CPNE1: variants seen among roughly 807,000 people sequenced by gnomAD.
CPNE1 encodes copine-1.
In CPNE1, 58 loss-of-function variants were observed where a neutral mutation model predicts 63.2. The ratio of observed to expected loss-of-function variants is 0.92; its 90% CI spans 0.74 to 1.14. CPNE1 has a LOEUF of 1.14. Ranked by LOEUF, CPNE1 falls within the 50% of genes most tolerant of loss-of-function variation. The pLI, the probability that CPNE1 is intolerant of heterozygous loss-of-function variation, is 0.00. For synonymous variants in CPNE1, 237 were observed against 249.0 expected, an observed-to-expected ratio of 0.95 and a Z score of 0.45; for missense variants, 672 against 661.7, an observed-to-expected ratio of 1.02 and a Z score of -0.17.
At chr20:35,651,206 T>C (rs1278667648) in intron 1 of CPNE1, 1 of 152,216 alleles carries the variant, frequency 6.6e-6, no homozygotes, top group South Asian at 2.1e-4. Flanking sequence ...GAGCACTGAC[T>C]AGGGAAATCA....
chr20:35,650,770 C>G (rs966383802), intron 1 of CPNE1: 2 of 152,574 alleles, frequency 1.3e-5, no homozygotes, highest in Admixed American at 6.5e-5. Context: ...ACTGTTGCCA[C>G]TCTTAAATTA....
chr20:35,631,571 C>A lies in CPNE1; in HGVS notation c.635G>T (p.Cys212Phe). 1 of 1,613,958 alleles carries A rather than the reference C, an allele frequency of 6.2e-7. No homozygotes were observed. Among genetic ancestry groups the A allele is most frequent in the Non-Finnish European group, 8.5e-7 (1 of 1,179,898 alleles). Residue 212 changes from cysteine to phenylalanine, a missense_variant, in exon 8 of 16, where the codon TGC becomes TTC. By Grantham distance (205) the Cys-to-Phe change is radical (BLOSUM62 -2). Transcript: ENST00000397443. The stretch of plus-strand genomic sequence containing the variant: ...TGACCCGTCACTGTCATAATCGGAG[C>A]ATTGCACCTGAGGGAAAGGTGTGTG... Reference protein sequence around the residue: ...GNPSTPIQVQCSDYDSDGSHD... With the variant: ...GNPSTPIQVQFSDYDSDGSHD...
intron 1 of CPNE1, among the ~76,000 whole-genome samples, chr20:35,656,989 AC>A (rs1178458144): frequency 2.0e-5 from 3 of 152,238 alleles, no homozygotes; most frequent in Admixed American, 6.5e-5. Context: ...TACTAATGCA[AC>A]AAAATCTGTA....
At chr20:35,643,714 AGAGT>A (rs1466333295) in intron 1 of CPNE1, among the ~76,000 whole-genome samples, 2 of 152,178 alleles carry the variant, frequency 1.3e-5, no homozygotes, top group Non-Finnish European at 2.9e-5. Context: ...CCTAAGCAAC[AGAGT>A]GAGACTCTGT....
At chr20:35,654,341 G>T (rs781488433) in intron 1 of CPNE1, 2 of 1,613,994 alleles carry the variant, frequency 1.2e-6, no homozygotes, top group Admixed American at 3.3e-5. Flanking sequence ...GCATCAACAC[G>T]GAGCCCATGA....
chr20:35,632,939 C>A lies in CPNE1; in HGVS notation c.1-16G>T, dbSNP rs1444000274. 2.3e-6 allele frequency: 2 copies of A among 866,626 alleles called. No individual in the cohort carries two copies. Among genetic ancestry groups the A allele is most frequent in the South Asian group, 2.7e-5 (2 of 75,336 alleles). 53.7% of individuals were successfully genotyped at this position (866,626 alleles called of 1,614,324 possible). On this transcript the variant is annotated splice_polypyrimidine_tract_variant and intron_variant, in intron 1 of 15. Coordinates refer to ENST00000397443, the MANE Select transcript of CPNE1 (RefSeq NM_152925.3). ...AGTGGGCCATCTGAGGGAAAAGGAG[C>A]TGGGTCAAGCACCAGGGAGCCTTCT...
intron 10 of CPNE1, 32 bp from the exon 11 acceptor site, chr20:35,631,066 C>T (rs1381027700): frequency 6.2e-7 from 1 of 1,614,148 alleles, no homozygotes; most frequent in Non-Finnish European, 8.5e-7. Context: ...AGCTAAAGGC[C>T]ACCCTGAGCC....
chr20:35,646,950 T>C (rs1369298788), intron 1 of CPNE1, among the ~76,000 whole-genome samples: 3 of 152,142 alleles, frequency 2.0e-5, no homozygotes, highest in African/African-American at 7.2e-5. Flanking sequence ...TGCTCAGCTG[T>C]GCCATTTACC....
chr20:35,630,361 C>T, intron 13 of CPNE1, 78 bp downstream of exon 13: 1 of 1,102,050 alleles, frequency 9.1e-7, no homozygotes, highest in Non-Finnish European at 1.4e-6. Flanking sequence ...GTATCTGCCC[C>T]CACTCTCCCT....
chr20:35,652,906 C>T, intron 1 of CPNE1: 5 of 1,613,722 alleles, frequency 3.1e-6, no homozygotes, highest in Non-Finnish European at 3.4e-6. Flanking sequence ...AGGGCCACTT[C>T]CAAACCCCGG....
intron 15 of CPNE1, 58 bp downstream of exon 15, chr20:35,626,509 A>G: frequency 6.3e-7 from 1 of 1,590,080 alleles, no homozygotes; most frequent in East Asian, 2.2e-5. Flanking sequence ...CCTCAACCCT[A>G]CTCACATCAG....
At chr20:35,655,137 AC>A in intron 1 of CPNE1, 1 of 1,614,160 alleles carries the variant, frequency 6.2e-7, no homozygotes, top group Non-Finnish European at 8.5e-7. Context: ...CTTTAATTGT[AC>A]CACCTGTGCG....
At chr20:35,663,901 T>A (rs1168302638) in intron 1 of CPNE1, among the ~76,000 whole-genome samples, 1 of 152,040 alleles carries the variant, frequency 6.6e-6, no homozygotes, top group Admixed American at 6.6e-5. Flanking sequence ...TAACTCTCCA[T>A]CAAAAGCACC....
At chr20:35,653,014 G>A (rs750368665) in intron 1 of CPNE1, 7 of 1,613,680 alleles carry the variant, frequency 4.3e-6, no homozygotes, top group East Asian at 2.2e-5. Flanking sequence ...TCCAAAACCC[G>A]GAACATCCAG....
chr20:35,651,183 T>C (rs2033487751), intron 1 of CPNE1: 1 of 152,212 alleles, frequency 6.6e-6, no homozygotes, highest in East Asian at 1.9e-4. Context: ...TAATATAATG[T>C]GACACATCTT....
At chr20:35,629,074 G>A (rs1481576506) in intron 13 of CPNE1, among the ~76,000 whole-genome samples, 5 of 152,130 alleles carry the variant, frequency 3.3e-5, no homozygotes, top group Middle Eastern at 6.8e-3. Flanking sequence ...GTATACATGT[G>A]TACACACACA....
chr20:35,633,250 T>A (rs1290172779), intron 1 of CPNE1, among the ~76,000 whole-genome samples: 1 of 152,210 alleles, frequency 6.6e-6, no homozygotes, highest in Non-Finnish European at 1.5e-5. Flanking sequence ...AAACCCAGAC[T>A]CTAATCTTGG....
At chr20:35,659,607 G>A (rs1030412749) in intron 1 of CPNE1, among the ~76,000 whole-genome samples, 2 of 152,002 alleles carry the variant, frequency 1.3e-5, no homozygotes, top group African/African-American at 4.8e-5. Flanking sequence ...AAATATTAAG[G>A]GAAAGTGTTT....
chr20:35,631,415 T>C (rs2032128639), intron 8 of CPNE1, 61 bp from the exon 9 acceptor site: 3 of 1,601,962 alleles, frequency 1.9e-6, no homozygotes, highest in Non-Finnish European at 2.6e-6. Flanking sequence ...GGACTCGAGC[T>C]GCCTTCTCCT....
Sources: allele counts gnomAD v4.1 joint callset (sites outside exome capture counted in the v4.1 genomes callset), GRCh38; gene constraint gnomAD v4.1.1; transcripts MANE v1.5; gene names NCBI Gene and HGNC (gene_info 2026-07-23, HGNC 2026-07-21).